The following BCAR3 variants were observed in gnomAD, a reference collection of about 807,000 sequenced individuals.
BCAR3 encodes the protein BCAR3 adaptor protein, NSP family member.
In BCAR3, 37 loss-of-function variants were observed where a neutral mutation model predicts 80.1. The observed-to-expected ratio is 0.46, with a 90% CI of 0.36 to 0.61. BCAR3 has a LOEUF of 0.61. Ranked by LOEUF, BCAR3 falls within the 20% of genes least tolerant of loss-of-function variation. The pLI is 0.00. For synonymous variants in BCAR3, 389 were observed against 418.9 expected (o/e 0.93, Z 0.87); for missense variants, 978 against 1,068.2 (o/e 0.92, Z 1.18).
At chr1:93,797,013 C>G (rs769720846) in intron 2 of BCAR3, among the ~76,000 whole-genome samples, 1 of 152,146 alleles carries the variant, frequency 6.6e-6, no homozygotes, top group Non-Finnish European at 1.5e-5. Flanking sequence ...GGCTGTGTAC[C>G]CTGGTAGCAA....
intron 2 of BCAR3, among the ~76,000 whole-genome samples, chr1:93,832,532 T>C (rs990725291): frequency 3.9e-5 from 6 of 152,190 alleles, no homozygotes; most frequent in African/African-American, 1.4e-4. Context: ...AGCTGAAGAC[T>C]GACACTGCCC....
intron 3 of BCAR3, among the ~76,000 whole-genome samples, chr1:93,616,530 G>C (rs1183267408): frequency 6.6e-6 from 1 of 152,216 alleles, no homozygotes; most frequent in African/African-American, 2.4e-5. Flanking sequence ...CCACTCAGCA[G>C]AGAACAAAGG....
At chr1:93,631,264 T>A (rs1023297770) in intron 3 of BCAR3, among the ~76,000 whole-genome samples, 1 of 152,230 alleles carries the variant, frequency 6.6e-6, no homozygotes, top group Non-Finnish European at 1.5e-5. Flanking sequence ...GTCAGTGGAT[T>A]AGGGCCCATC....
intron 2 of BCAR3, among the ~76,000 whole-genome samples, chr1:93,747,821 C>G (rs950744474): frequency 6.6e-6 from 1 of 151,734 alleles, no homozygotes; most frequent in Non-Finnish European, 1.5e-5. Context: ...GTGCTATGCT[C>G]CAGCCATACC....
chr1:93,613,192 A>G lies in BCAR3; in HGVS notation c.358-20799T>C, dbSNP rs143652547. 6.0e-4 allele frequency among the ~76,000 whole-genome samples: 91 copies of G among 152,318 alleles called. No individual in the cohort carries two copies. The Middle Eastern group carries it at 0.034, about 57-fold the overall frequency. ...CCCAAGATCCACGAAAGCCTATATT[A>G]ATCTTAATTCCTAGTGCGTCACAGG... is the stretch of plus-strand genomic sequence containing the variant. On this transcript the variant is annotated intron_variant, in intron 3 of 11. Coordinates refer to ENST00000260502, the MANE Select transcript of BCAR3 (RefSeq NM_003567.4).
intron 3 of BCAR3, among the ~76,000 whole-genome samples, chr1:93,621,495 C>T (rs1435432386): frequency 6.6e-6 from 1 of 152,146 alleles, no homozygotes; most frequent in African/African-American, 2.4e-5. Context: ...GTGAGAATAC[C>T]TTGGTGGTCA....
intron 3 of BCAR3, among the ~76,000 whole-genome samples, chr1:93,688,392 T>G (rs1265709714): frequency 6.6e-6 from 1 of 152,210 alleles, no homozygotes; most frequent in Admixed American, 6.5e-5. Flanking sequence ...GTTTCCCATT[T>G]ACATCCTCAG....
intron 3 of BCAR3, chr1:93,614,248 G>A: frequency 1.4e-6 from 1 of 735,600 alleles, no homozygotes; most frequent in Non-Finnish European, 1.7e-6. Context: ...AAGAGGCCTT[G>A]GGCTTTAGCT....
intron 11 of BCAR3, among the ~76,000 whole-genome samples, chr1:93,563,076 G>A (rs920245159): frequency 1.3e-5 from 2 of 152,162 alleles, no homozygotes; most frequent in Non-Finnish European, 2.9e-5. Flanking sequence ...CTTTACTGAT[G>A]TATAGTTTAC....
At chr1:93,749,415 C>T (rs987135912) in intron 2 of BCAR3, among the ~76,000 whole-genome samples, 2 of 151,626 alleles carry the variant, frequency 1.3e-5, no homozygotes, top group Non-Finnish European at 2.9e-5. Context: ...GGTGAAACCC[C>T]GTCTCTACTA....
At position 93,827,935 on chromosome 1, in the gene BCAR3, C is replaced by T. The variant is rs530492922; in HGVS notation, c.-63+17632G>A. Among the ~76,000 whole-genome samples the T allele has an allele frequency of 2.0e-5, 3 of 152,240 alleles. No individual in the cohort carries two copies. In the East Asian group the frequency reaches 5.8e-4, roughly 29 times the overall value. ...AAGTTCTCTCTGACCTTCTCCCACC[C>T]TCATGTCTCTTGCCCCTCATTCTTC... On this transcript the variant is annotated intron_variant, in intron 2 of 13. Transcript: ENST00000370244.
intron 2 of BCAR3, among the ~76,000 whole-genome samples, chr1:93,761,523 T>C (rs1448973167): frequency 6.6e-6 from 1 of 152,178 alleles, no homozygotes; most frequent in Non-Finnish European, 1.5e-5. Flanking sequence ...GGTTGAAGTC[T>C]TTTCTTTGTT....
At position 93,828,858 on chromosome 1, in the gene BCAR3, A is replaced by G. The variant is rs530447952; in HGVS notation, c.-63+16709T>C. Among the ~76,000 whole-genome samples, 4 of 152,100 alleles carry G rather than the reference A, an allele frequency of 2.6e-5. No homozygotes were observed. In the South Asian group the frequency reaches 6.2e-4, roughly 24 times the overall value. On this transcript the variant is annotated intron_variant, in intron 2 of 13. Transcript: ENST00000370244. The stretch of plus-strand genomic sequence containing the variant: ...CAGGCGCATGCTACCACACCCGGCT[A>G]ATTTTTGTATTTTTAGTAGAGATGG...
At chr1:93,764,369 T>C (rs1652066069) in intron 2 of BCAR3, among the ~76,000 whole-genome samples, 1 of 151,966 alleles carries the variant, frequency 6.6e-6, no homozygotes, top group Admixed American at 6.6e-5. Flanking sequence ...GACCCAACCC[T>C]TCCTCCATGT....
chr1:93,746,124 G>T (rs1651349918), intron 2 of BCAR3, among the ~76,000 whole-genome samples: 1 of 152,198 alleles, frequency 6.6e-6, no homozygotes, highest in African/African-American at 2.4e-5. Flanking sequence ...GCTGGCTGTG[G>T]ATCAGCTCAG....
intron 7 of BCAR3, among the ~76,000 whole-genome samples, chr1:93,579,027 C>A (rs562441064): frequency 6.6e-6 from 1 of 152,182 alleles, no homozygotes; most frequent in Non-Finnish European, 1.5e-5. Flanking sequence ...TCACTTCTAG[C>A]TATAGGCAAA....
chr1:93,649,643 A>G (rs1416130171), intron 2 of BCAR3, among the ~76,000 whole-genome samples: 1 of 152,166 alleles, frequency 6.6e-6, no homozygotes, highest in Non-Finnish European at 1.5e-5. Context: ...AAATTTAACC[A>G]GAATGACTTG....
At chr1:93,691,959 C>CT (rs1649208064) in intron 3 of BCAR3, among the ~76,000 whole-genome samples, 1 of 152,184 alleles carries the variant, frequency 6.6e-6, no homozygotes, top group African/African-American at 2.4e-5. Flanking sequence ...GACTTGGTTA[C>CT]ACTATTCTCT....
chr1:93,587,027 G>A (rs1310957265), intron 5 of BCAR3, among the ~76,000 whole-genome samples: 2 of 152,010 alleles, frequency 1.3e-5, no homozygotes, highest in East Asian at 1.9e-4. Context: ...CACCTGCCTC[G>A]GCCTCCCAAA....
Sources: allele counts gnomAD v4.1 joint callset (sites outside exome capture counted in the v4.1 genomes callset), GRCh38; gene constraint gnomAD v4.1.1; transcripts MANE v1.5; gene names NCBI Gene and HGNC (gene_info 2026-07-23, HGNC 2026-07-21).